PCDHGA1: variants seen among roughly 807,000 people sequenced by gnomAD.
PCDHGA1 encodes the protein protocadherin gamma-A1.
Under a neutral mutation model 58.0 loss-of-function variants are expected in PCDHGA1, and 32 were observed. That is an observed-to-expected ratio of 0.55 (90% CI 0.42 to 0.74). The LOEUF (loss-of-function observed/expected upper bound fraction) is 0.74. Ranked by LOEUF, PCDHGA1 falls within the 30% of genes least tolerant of loss-of-function variation. PCDHGA1 has a pLI of 0.00. For missense variants in PCDHGA1, 1,205 were observed against 1,182.3 expected (o/e 1.02, Z -0.28); for synonymous variants, 498 against 501.1 (o/e 0.99, Z 0.08).
At chr5:141,339,652 C>A (rs1448747367) in intron 1 of PCDHGA1, 4 of 1,614,090 alleles carry the variant, frequency 2.5e-6, no homozygotes, top group Admixed American at 3.3e-5. Context: ...GCACCTCCCG[C>A]ATCTGCGTGA....
At position 141,340,888 on chromosome 5, in the gene PCDHGA1, G is replaced by A. The variant is rs574331313; in HGVS notation, c.2421+7783G>A. ...CCCTGCTGGACAGAGACGCGCTCAA[G>A]CAGAGCCTCGTGGTGGCCATCCAGG... On this transcript the variant is annotated intron_variant, in intron 1 of 3. Transcript: ENST00000517417. 2.2e-5 allele frequency: 36 copies of A among 1,613,690 alleles called. No individual in the cohort carries two copies. In the East Asian group the frequency reaches 7.1e-4, roughly 32 times the overall value.
chr5:141,431,965 T>C lies in PCDHGA1; in HGVS notation c.2422-62842T>C, dbSNP rs765281339. The C allele has an allele frequency of 4.0e-5, 64 of 1,614,098 alleles. No homozygotes were observed. In the East Asian group the frequency reaches 4.9e-4, roughly 12 times the overall value. On this transcript the variant is annotated intron_variant, in intron 1 of 3. Transcript: ENST00000517417. This position sits in a 1 kb window ranked among gnomAD's most constrained non-coding sequence, Gnocchi z 4.8. Reference sequence around the variant, plus strand: ...TAGAAAAATCTTACGGAAATTACTATAGTTTAGTCACAGACATAGTCTTGG... The same window carrying C: ...TAGAAAAATCTTACGGAAATTACTACAGTTTAGTCACAGACATAGTCTTGG...
intron 2 of PCDHGA1, 164 bp downstream of exon 2, chr5:141,495,029 G>A: frequency 2.1e-6 from 2 of 968,864 alleles, no homozygotes; most frequent in Non-Finnish European, 2.5e-6. Flanking sequence ...ACAGACCCCG[G>A]AAGGAAGAGG....
chr5:141,394,145 C>A, intron 1 of PCDHGA1: 1 of 1,613,962 alleles, frequency 6.2e-7, no homozygotes, highest in Non-Finnish European at 8.5e-7. Flanking sequence ...ACGTGGCAGA[C>A]ATTAACGACA....
chr5:141,361,703 A>G, intron 1 of PCDHGA1: 1 of 1,613,388 alleles, frequency 6.2e-7, no homozygotes, highest in East Asian at 2.2e-5. Flanking sequence ...TTCGATCATG[A>G]GCAGCTGCGC....
In PCDHGA1 at chr5:141,489,782, A is replaced by C. The variant is rs770399288; in HGVS notation, c.2422-5025A>C. On this transcript the variant is annotated intron_variant, in intron 1 of 3. Coordinates refer to ENST00000517417, the MANE Select transcript of PCDHGA1 (RefSeq NM_018912.3). The surrounding 1 kb of genome is among the most constrained non-coding windows in gnomAD (Gnocchi z 4.5). ...AGCCCCAACAGCCACTTCTCTCTGA[A>C]TGTGAAGACCCTAAAAGATGGGAAG... 2 of 1,614,078 alleles carry C rather than the reference A, an allele frequency of 1.2e-6. No homozygotes were observed. The highest frequency in any genetic ancestry group is 2.2e-5 in the East Asian group (1 of 44,894).
Position 141,511,089 on chromosome 5 carries a change from C to T in PCDHGA1, c.2712C>T (p.Thr904=). The change falls in exon 4 of 4, where the codon ACC becomes ACT. Residue 904 remains threonine (T), a synonymous_variant. Transcript: ENST00000517417. ...TCCCAGGCAGCAATGCCACACTGAC[C>T]AACGCAGCTGGCAAGCGGGATGGCA... is the stretch of plus-strand genomic sequence containing the variant. ...VYIPGSNATL[T]NAAGKRDGKA... 1 of 1,614,212 alleles carries T rather than the reference C, an allele frequency of 6.2e-7. No individual in the cohort carries two copies. Among genetic ancestry groups the T allele is most frequent in the Non-Finnish European group, 8.5e-7 (1 of 1,180,026 alleles).
chr5:141,414,792 C>T (rs2095788725), intron 1 of PCDHGA1: 6 of 1,614,230 alleles, frequency 3.7e-6, no homozygotes, highest in African/African-American at 2.7e-5. Flanking sequence ...TGACAGCCAG[C>T]GACAGCGGGG....
intron 1 of PCDHGA1, chr5:141,440,709 A>C (rs1351127132): frequency 1.3e-5 from 2 of 152,216 alleles, no homozygotes; most frequent in Non-Finnish European, 2.9e-5. Context: ...GTGGAAAGAC[A>C]TATGTTGATC....
intron 1 of PCDHGA1, chr5:141,393,842 T>A (rs1010461527): frequency 1.2e-6 from 2 of 1,613,830 alleles, no homozygotes; most frequent in African/African-American, 2.7e-5. Flanking sequence ...TAAATGACAA[T>A]AGACCAGAAG....
At chr5:141,421,721 T>G in intron 1 of PCDHGA1, 1 of 1,613,940 alleles carries the variant, frequency 6.2e-7, no homozygotes, top group Non-Finnish European at 8.5e-7. Flanking sequence ...GATGTGGGCG[T>G]GAACTCCCTC....
chr5:141,413,649 C>G, intron 1 of PCDHGA1: 1 of 1,613,836 alleles, frequency 6.2e-7, no homozygotes, highest in South Asian at 1.1e-5. Flanking sequence ...GTTTTCCTCT[C>G]CCGGAAGCTA....
intron 1 of PCDHGA1, chr5:141,484,855 G>T (rs1178318896): frequency 3.9e-6 from 1 of 257,336 alleles, no homozygotes; most frequent in East Asian, 8.3e-5. Context: ...GTTTTTTGGG[G>T]GGTGGGGGAG....
chr5:141,479,003 C>T (rs2099485569), intron 1 of PCDHGA1, among the ~76,000 whole-genome samples: 1 of 152,176 alleles, frequency 6.6e-6, no homozygotes, highest in South Asian at 2.1e-4. Context: ...AAACTAATAG[C>T]TTTTTGATAA....
At chr5:141,362,345 C>A (rs776739300) in intron 1 of PCDHGA1, 1 of 1,614,068 alleles carries the variant, frequency 6.2e-7, no homozygotes, top group East Asian at 2.2e-5. Context: ...AAGCCTGGAC[C>A]TGGGGTTCTC....
intron 1 of PCDHGA1, among the ~76,000 whole-genome samples, chr5:141,347,003 T>C (rs1561493047): frequency 6.7e-6 from 1 of 149,260 alleles, no homozygotes; most frequent in Non-Finnish European, 1.5e-5. Flanking sequence ...TCTTTCTCCT[T>C]CCTTCCTTCC....
Position 141,380,667 on chromosome 5 carries a change from T to C in PCDHGA1, c.2421+47562T>C, listed in dbSNP as rs552117625. On this transcript the variant is annotated intron_variant, in intron 1 of 3. Coordinates refer to ENST00000517417, the MANE Select transcript of PCDHGA1 (RefSeq NM_018912.3). Reference sequence around the variant, plus strand: ...AGAGACAATGAAGCCATTTACTCCATAGGGTATGTATGCTTTGTGTTCGGA... The same window carrying C: ...AGAGACAATGAAGCCATTTACTCCACAGGGTATGTATGCTTTGTGTTCGGA... Among the ~76,000 whole-genome samples the C allele has an allele frequency of 2.6e-5, 4 of 152,244 alleles. No homozygotes were observed. The East Asian group carries it at 5.8e-4, about 22-fold the overall frequency.
At chr5:141,395,078 G>C in intron 1 of PCDHGA1, 1 of 1,614,126 alleles carries the variant, frequency 6.2e-7, no homozygotes, top group Non-Finnish European at 8.5e-7. Flanking sequence ...CCTATTCCCA[G>C]GAAGTCTCCC....
intron 1 of PCDHGA1, among the ~76,000 whole-genome samples, chr5:141,346,809 G>T (rs1418629575): frequency 1.3e-5 from 2 of 152,138 alleles, no homozygotes; most frequent in African/African-American, 4.8e-5. Context: ...CACAACACTG[G>T]TTTGTATACC....
Sources: gnomAD v4.1 joint callset for allele counts (sites outside exome capture counted in the v4.1 genomes callset) on GRCh38, gnomAD v4.1.1 for gene constraint, Gnocchi (gnomAD v3.1) non-coding constraint, MANE v1.5 for transcripts, NCBI Gene and HGNC (gene_info 2026-07-23, HGNC 2026-07-21) for gene names.